The following REEP5 variants were observed in gnomAD, a reference collection of about 807,000 sequenced individuals.
REEP5 encodes receptor expression-enhancing protein 5.
A neutral mutation model predicts 22.4 loss-of-function variants in REEP5; 24 were observed. The observed-to-expected ratio is 1.07, with a 90% confidence interval of 0.78 to 1.51. REEP5 has a LOEUF of 1.51. REEP5 is among the 40% of genes most tolerant of loss of function. The probability of loss-of-function intolerance (pLI) is 0.00; values close to 1 mark genes in which losing one functional copy is unlikely to be tolerated. For synonymous variants in REEP5, 103 were observed against 88.6 expected (o/e 1.16, Z -0.92); for missense variants, 252 against 233.0 (o/e 1.08, Z -0.53).
At chr5:112,892,766 A>G (rs779666578) in intron 3 of REEP5, 1 of 1,613,994 alleles carries the variant, frequency 6.2e-7, no homozygotes, top group East Asian at 2.2e-5. Context: ...GGCCACCACG[A>G]CCACTACTAC....
chr5:112,886,985 A>G (rs1230526224), intron 4 of REEP5, 30 bp downstream of exon 4: 2 of 1,537,626 alleles, frequency 1.3e-6, no homozygotes, highest in African/African-American at 2.7e-5. Flanking sequence ...CTCCTCTCAC[A>G]TGTGGGGCCA....
chr5:112,905,705 C>T (rs1030946077), intron 2 of REEP5, among the ~76,000 whole-genome samples: 1 of 152,092 alleles, frequency 6.6e-6, no homozygotes, highest in Non-Finnish European at 1.5e-5. Context: ...ACTGCGGCCT[C>T]AACCTCCTGG....
intron 3 of REEP5, chr5:112,897,120 A>C (rs949225795): frequency 4.6e-5 from 7 of 152,196 alleles, no homozygotes; most frequent in Admixed American, 2.0e-4. Context: ...AAATACTCAG[A>C]ATACTGTGTT....
At chr5:112,898,378 C>T (rs1366005118) in intron 3 of REEP5, 1 of 152,176 alleles carries the variant, frequency 6.6e-6, no homozygotes, top group Non-Finnish European at 1.5e-5. Flanking sequence ...ACTATGATGC[C>T]ATGCAGCTGG....
In REEP5 at chr5:112,905,633, T is replaced by C. The variant is rs1224964989; in HGVS notation, c.213-3115A>G. ...CTTTTTAAAAAGATTGATTGATTGA[T>C]TGATTGAGACAGGGTCTTGCTCTGT... On this transcript the variant is annotated intron_variant, in intron 2 of 4. Coordinates refer to ENST00000379638, the MANE Select transcript of REEP5 (RefSeq NM_005669.5). Among the ~76,000 whole-genome samples the C allele has an allele frequency of 2.0e-5, 3 of 150,112 alleles. No individual in the cohort carries two copies. In the Admixed American group the frequency reaches 2.0e-4, roughly 10 times the overall value.
intron 2 of REEP5, among the ~76,000 whole-genome samples, chr5:112,908,954 C>A (rs1266799265): frequency 6.6e-6 from 1 of 151,518 alleles, no homozygotes; most frequent in East Asian, 1.9e-4. Context: ...ACACACACAC[C>A]CACAAAGAGA....
At chr5:112,890,222 C>T (rs908463028) in intron 3 of REEP5, among the ~76,000 whole-genome samples, 10 of 150,162 alleles carry the variant, frequency 6.7e-5, no homozygotes, top group South Asian at 6.3e-4. Flanking sequence ...CTTGGGAGGT[C>T]GAGACTGCAG....
chr5:112,917,377 T>C (rs935889959), intron 2 of REEP5, among the ~76,000 whole-genome samples: 2 of 152,224 alleles, frequency 1.3e-5, no homozygotes, highest in African/African-American at 2.4e-5. Flanking sequence ...CTAAAGGAAC[T>C]GGACTACCTG....
chr5:112,888,692 G>T (rs455412), intron 3 of REEP5, among the ~76,000 whole-genome samples: 65,248 of 150,422 alleles, frequency 0.43, 16,789 homozygotes, highest in African/African-American at 0.68. Context: ...TAACCTTTGT[G>T]AATTAAAATT....
At chr5:112,903,134 T>C (rs1026831931) in intron 2 of REEP5, among the ~76,000 whole-genome samples, 2 of 152,206 alleles carry the variant, frequency 1.3e-5, no homozygotes, top group Admixed American at 6.5e-5. Flanking sequence ...ACCCTAACTA[T>C]TGCTTAAACA....
At chr5:112,889,154 A>T (rs764519136) in intron 3 of REEP5, among the ~76,000 whole-genome samples, 1 of 150,824 alleles carries the variant, frequency 6.6e-6, no homozygotes, top group Non-Finnish European at 1.5e-5. Flanking sequence ...TAAATTGCCC[A>T]GTCTCGGCTA....
At chr5:112,908,712 C>T (rs1048982861) in intron 2 of REEP5, among the ~76,000 whole-genome samples, 7 of 151,666 alleles carry the variant, frequency 4.6e-5, no homozygotes, top group African/African-American at 9.7e-5. Flanking sequence ...CCCACGACCA[C>T]GCCAGCTAAT....
Position 112,877,207 on chromosome 5 carries a change from C to T in REEP5, c.*1579G>A, listed in dbSNP as rs1365688499. The T allele has an allele frequency of 5.9e-5, 9 of 152,192 alleles. No homozygotes were observed. The highest frequency in any genetic ancestry group is 2.2e-4 in the African/African-American group (9 of 41,450). The allele number at this position is 152,192 out of a possible 1,614,324, so 9.4% of individuals were successfully genotyped here. Reference sequence around the variant, plus strand: ...TGATCCATATTATATTAGAGTGATACTGTCACTTAGTATTGATATCTTTAA... The same window carrying T: ...TGATCCATATTATATTAGAGTGATATTGTCACTTAGTATTGATATCTTTAA... On this transcript the variant is annotated 3_prime_UTR_variant, in exon 5 of 5. Coordinates refer to ENST00000379638, the MANE Select transcript of REEP5 (RefSeq NM_005669.5).
chr5:112,912,505 AG>A (rs780084364), intron 2 of REEP5, among the ~76,000 whole-genome samples: 1 of 152,230 alleles, frequency 6.6e-6, no homozygotes, highest in Non-Finnish European at 1.5e-5. Context: ...AAAAGCTTTA[AG>A]ATGTCCTATT....
At chr5:112,922,021 G>A (rs1769383891) in intron 1 of REEP5, 52 bp downstream of exon 1, 1 of 1,553,026 alleles carries the variant, frequency 6.4e-7, no homozygotes, top group Non-Finnish European at 8.7e-7. Context: ...AGCAGCTGGG[G>A]CAGCGGCGGC....
Position 112,892,783 on chromosome 5 carries a change from C to A in REEP5, c.352-5600G>T. 6 of 1,613,924 alleles carry A rather than the reference C, an allele frequency of 3.7e-6. No individual in the cohort carries two copies. The South Asian group carries it at 6.6e-5, about 18-fold the overall frequency. Reference sequence around the variant, plus strand: ...CCACCACGACCACTACTACAGCAGGCAGCGGGGAAGGAGAAACCCTAGTCC... The same window carrying A: ...CCACCACGACCACTACTACAGCAGGAAGCGGGGAAGGAGAAACCCTAGTCC... On this transcript the variant is annotated intron_variant, in intron 3 of 4. Transcript: ENST00000379638.
At chr5:112,901,042 T>C (rs1178862351) in intron 3 of REEP5, among the ~76,000 whole-genome samples, 1 of 152,064 alleles carries the variant, frequency 6.6e-6, no homozygotes, top group African/African-American at 2.4e-5. Flanking sequence ...TTTCACCGTG[T>C]TGCCCAGGCT....
chr5:112,904,168 G>T (rs1469021052), intron 2 of REEP5, among the ~76,000 whole-genome samples: 1 of 152,170 alleles, frequency 6.6e-6, no homozygotes, highest in East Asian at 1.9e-4. Context: ...GAATTTAAGA[G>T]AGCTGATTAT....
At chr5:112,879,299 T>A (rs1274490171) in intron 4 of REEP5, among the ~76,000 whole-genome samples, 1 of 103,626 alleles carries the variant, frequency 9.7e-6, no homozygotes, top group East Asian at 3.3e-4. Flanking sequence ...GCACTAGAAA[T>A]ACAGTCATCC....
Sources: allele counts gnomAD v4.1 joint callset (sites outside exome capture counted in the v4.1 genomes callset), GRCh38; gene constraint gnomAD v4.1.1; transcripts MANE v1.5; gene names NCBI Gene and HGNC (gene_info 2026-07-23, HGNC 2026-07-21).